Variants in FBN3 observed in about 807,000 individuals in gnomAD.
FBN3 encodes fibrillin-3.
A neutral mutation model predicts 330.1 loss-of-function variants in FBN3; 234 were observed. The ratio of observed to expected loss-of-function variants is 0.71; its 90% CI spans 0.64 to 0.79. The LOEUF is 0.79. FBN3 is among the 30% of genes least tolerant of loss of function. FBN3 has a pLI of 0.00. For missense variants in FBN3, 3,606 were observed against 3,886.9 expected (o/e 0.93, Z 1.92); for synonymous variants, 1,458 against 1,517.3 (o/e 0.96, Z 0.91).
At chr19:8,143,740 G>A (rs937904882) in intron 6 of FBN3, among the ~76,000 whole-genome samples, 2 of 150,874 alleles carry the variant, frequency 1.3e-5, no homozygotes, top group Non-Finnish European at 2.9e-5. Context: ...TGATCTGCCC[G>A]CCTCGGCCTC....
intron 48 of FBN3, among the ~76,000 whole-genome samples, 186 bp downstream of exon 48, chr19:8,091,279 A>G (rs889442844): frequency 6.6e-6 from 1 of 152,230 alleles, no homozygotes; most frequent in African/African-American, 2.4e-5. Context: ...TTAGCCCTCC[A>G]TAGACATGAC....
chr19:8,142,777 G>A (rs2083443613), intron 6 of FBN3, among the ~76,000 whole-genome samples: 1 of 151,646 alleles, frequency 6.6e-6, no homozygotes, highest in Admixed American at 6.6e-5. Context: ...GGCCCCGTAA[G>A]GAGGAGGGGC....
At chr19:8,082,589 G>A (rs536543510) in intron 57 of FBN3, among the ~76,000 whole-genome samples, 3 of 151,602 alleles carry the variant, frequency 2.0e-5, no homozygotes, top group East Asian at 2.0e-4. Flanking sequence ...CACTTCCTGG[G>A]TTCAAACGAT....
chr19:8,135,936 G>GCGCCC, intron 13 of FBN3, 25 bp downstream of exon 13: 17 of 668,776 alleles, frequency 2.5e-5, no homozygotes, highest in South Asian at 9.7e-5. Context: ...GGAAGCCCCT[G>GCGCCC]CCCACCCGCC....
At chr19:8,134,762 C>T (rs1599427849) in intron 13 of FBN3, among the ~76,000 whole-genome samples, 1 of 151,452 alleles carries the variant, frequency 6.6e-6, no homozygotes, top group Admixed American at 6.6e-5. Flanking sequence ...GGTGAAACCC[C>T]ATCTCTACTA....
intron 26 of FBN3, 97 bp from the exon 27 acceptor site, chr19:8,117,686 C>A: frequency 7.2e-7 from 1 of 1,382,408 alleles, no homozygotes; most frequent in South Asian, 1.5e-5. Flanking sequence ...CTAAGGAGCT[C>A]ACACTGCCAG....
chr19:8,135,520 A>G (rs996490950), intron 13 of FBN3, among the ~76,000 whole-genome samples: 21 of 65,052 alleles, frequency 3.2e-4, no homozygotes, highest in African/African-American at 2.4e-3. Flanking sequence ...TCGGCCTCCC[A>G]AAGTGCTGGG....
chr19:8,141,766 G>A lies in FBN3; in HGVS notation c.816C>T (p.Cys272=), dbSNP rs769007455. ...TGAGCCGGTGTCCAACTGGACAGCG[G>A]CAATGGAAGGAGCCCACCATGTTGA... is the stretch of plus-strand genomic sequence containing the variant. ...SCVNMVGSFH[C]RCPVGHRLSD... The change falls in exon 8 of 64, where the codon TGC becomes TGT. Residue 272 remains cysteine (C), a synonymous_variant. Transcript: ENST00000600128. 2 of 1,614,036 alleles carry A rather than the reference G, an allele frequency of 1.2e-6. No individual in the cohort carries two copies. Among genetic ancestry groups the A allele is most frequent in the East Asian group, 4.5e-5 (2 of 44,898 alleles).
intron 57 of FBN3, among the ~76,000 whole-genome samples, chr19:8,082,679 A>G (rs1599287232): frequency 6.6e-6 from 1 of 152,278 alleles, no homozygotes; most frequent in South Asian, 2.1e-4. Context: ...TTTTTAGCAG[A>G]GATGGGGTTT....
Position 8,121,295 on chromosome 19 carries a change from G to T in FBN3, c.3174C>A (p.Gly1058=). The change falls in exon 25 of 64, where the codon GGC becomes GGA. Residue 1058 remains glycine, a synonymous_variant. Transcript: ENST00000600128. The surrounding 1 kb of genome is among the most constrained non-coding windows in gnomAD (Gnocchi z 4.5). ...TCATCAGCATGAAGCCACTCTCGTAGCCGGGAAAACACTCGCACTCAAAGC... is the reference window on the plus strand; with the variant it reads ...TCATCAGCATGAAGCCACTCTCGTATCCGGGAAAACACTCGCACTCAAAGC... ...PGSFECECFP[G]YESGFMLMKN... is the part of the protein sequence containing the mutation. 6.2e-7 allele frequency: 1 copy of T among 1,612,876 alleles called. No homozygotes were observed. Among genetic ancestry groups the T allele is most frequent in the Non-Finnish European group, 8.5e-7 (1 of 1,179,342 alleles).
chr19:8,075,226 A>G, intron 60 of FBN3, 36 bp from the exon 61 acceptor site: 1 of 1,576,338 alleles, frequency 6.3e-7, no homozygotes, highest in Non-Finnish European at 8.6e-7. Context: ...GGTTTACCAG[A>G]CGGCTCTCAG....
intron 41 of FBN3, among the ~76,000 whole-genome samples, chr19:8,100,039 T>C (rs35882466): frequency 0.46 from 69,248 of 150,206 alleles, 18,062 homozygotes; most frequent in Middle Eastern, 0.67. Flanking sequence ...CATGGAGCAA[T>C]TTGACACAAA....
At chr19:8,116,590 A>G (rs748977546) in intron 29 of FBN3, 84 bp downstream of exon 29, 79 of 1,436,000 alleles carry the variant, frequency 5.5e-5, no homozygotes, top group Non-Finnish European at 7.3e-5. Flanking sequence ...TTTCATGCCT[A>G]TGTGCCACCT....
intron 59 of FBN3, among the ~76,000 whole-genome samples, chr19:8,078,298 G>A (rs946715286): frequency 6.6e-6 from 1 of 152,110 alleles, no homozygotes; most frequent in African/African-American, 2.4e-5. Context: ...TTTCATTTAC[G>A]TATCTCTCCA....
chr19:8,097,009 G>T lies in FBN3; in HGVS notation c.5288-3C>A. On this transcript the variant is annotated splice_region_variant and splice_polypyrimidine_tract_variant and intron_variant, in intron 42 of 63. Transcript: ENST00000600128. ...CCTGCTGCCACACTCATCGACATCTGGGAAAATACAGCAAATGAGGTGGGG... is the reference window on the plus strand; with the variant it reads ...CCTGCTGCCACACTCATCGACATCTTGGAAAATACAGCAAATGAGGTGGGG... 1 of 1,612,018 alleles carries T rather than the reference G, an allele frequency of 6.2e-7. No homozygotes were observed. The highest frequency in any genetic ancestry group is 8.5e-7 in the Non-Finnish European group (1 of 1,179,172).
At chr19:8,126,402 A>G (rs1568433036) in intron 20 of FBN3, 55 bp from the exon 21 acceptor site, 8 of 1,587,204 alleles carry the variant, frequency 5.0e-6, no homozygotes, top group Non-Finnish European at 8.6e-7. Flanking sequence ...TGCCAGCCCA[A>G]GGGGGGACCC....
chr19:8,115,412 G>A, intron 30 of FBN3, 103 bp downstream of exon 30: 1 of 1,376,158 alleles, frequency 7.3e-7, no homozygotes, highest in South Asian at 1.3e-5. Flanking sequence ...CTATGAGAAT[G>A]AATTCTGGCT....
chr19:8,121,225 C>T lies in FBN3; in HGVS notation c.3211+33G>A, dbSNP rs574605005. 82 of 1,555,980 alleles carry T rather than the reference C, an allele frequency of 5.3e-5. 3 individuals are homozygous for T. In the South Asian group the frequency reaches 7.7e-4, roughly 15 times the overall value. On this transcript the variant is annotated intron_variant, in intron 25 of 63. Coordinates refer to ENST00000600128, the MANE Select transcript of FBN3 (RefSeq NM_032447.5). The surrounding 1 kb of genome is among the most constrained non-coding windows in gnomAD (Gnocchi z 4.5). The stretch of plus-strand genomic sequence containing the variant: ...TCCTCAATGCCCTCCCTGCCCAGGG[C>T]GCCCACCACACCCCTGCCCGGCAGT...
intron 13 of FBN3, 110 bp downstream of exon 13, chr19:8,135,851 C>G: frequency 8.1e-7 from 1 of 1,239,754 alleles, no homozygotes; most frequent in Non-Finnish European, 1.1e-6. Flanking sequence ...GCAGAGGAGA[C>G]GTCGTAGGGA....
Sources: gnomAD v4.1 joint callset for allele counts (sites outside exome capture counted in the v4.1 genomes callset) on GRCh38, gnomAD v4.1.1 for gene constraint, Gnocchi (gnomAD v3.1) non-coding constraint, MANE v1.5 for transcripts, NCBI Gene and HGNC (gene_info 2026-07-23, HGNC 2026-07-21) for gene names.